SNX18: variants seen among roughly 807,000 people sequenced by gnomAD.
The protein encoded by SNX18 is sorting nexin 18.
SNX18 carries 35 observed loss-of-function variants against 48.7 expected under a neutral mutation model. That is an observed-to-expected ratio of 0.72 (90% CI 0.55 to 0.95). SNX18 has a LOEUF of 0.95. SNX18 is among the 40% of genes least tolerant of loss of function. SNX18 has a pLI of 0.00. For synonymous variants in SNX18, 492 were observed against 384.7 expected (o/e 1.28, Z -3.26); for missense variants, 824 against 871.0 (o/e 0.95, Z 0.68).
At chr5:54,626,527 G>A in the SNX18 span, among the ~76,000 whole-genome samples, 1 of 152,184 alleles carries the variant, frequency 6.6e-6, no homozygotes, top group Non-Finnish European at 1.5e-5. Flanking sequence ...TCTCTGCTTT[G>A]CTTCTGATGC....
chr5:54,532,908 G>T (rs552861371), intron 1 of SNX18, among the ~76,000 whole-genome samples: 2 of 152,126 alleles, frequency 1.3e-5, no homozygotes, highest in Admixed American at 6.5e-5. Context: ...GTATTTATAC[G>T]CAAGTGAATA....
At chr5:54,523,163 AT>A (rs959406696) in intron 1 of SNX18, among the ~76,000 whole-genome samples, 7 of 149,916 alleles carry the variant, frequency 4.7e-5, no homozygotes, top group Admixed American at 1.3e-4. Flanking sequence ...TGTGGTCTTG[AT>A]TTTTTTTTTC....
chr5:54,593,521 T>A, the SNX18 span, among the ~76,000 whole-genome samples: 19 of 152,354 alleles, frequency 1.2e-4, no homozygotes, highest in Non-Finnish European at 2.4e-4. Flanking sequence ...CTCAGCAGTA[T>A]TTTTTGTAGA....
At chr5:54,609,633 C>T in the SNX18 span, among the ~76,000 whole-genome samples, 1 of 152,054 alleles carries the variant, frequency 6.6e-6, no homozygotes, top group Non-Finnish European at 1.5e-5. Flanking sequence ...ATTTGTCCCA[C>T]CCTGCAAAAG....
At chr5:54,525,289 C>A (rs139944363) in intron 1 of SNX18, among the ~76,000 whole-genome samples, 137 of 151,932 alleles carry the variant, frequency 9.0e-4, no homozygotes, top group African/African-American at 3.1e-3. Context: ...GGCTTTAATA[C>A]CAGCTACTTG....
At chr5:54,532,307 C>CTTTTTTT (rs35717409) in intron 1 of SNX18, among the ~76,000 whole-genome samples, 2 of 137,068 alleles carry the variant, frequency 1.5e-5, no homozygotes, top group Non-Finnish European at 1.5e-5. Context: ...TCTATTGTTG[C>CTTTTTTT]TTTTTTTTTT....
intron 1 of SNX18, among the ~76,000 whole-genome samples, chr5:54,527,842 T>TTGAAATAGA (rs1762164837): frequency 6.6e-6 from 1 of 152,240 alleles, no homozygotes; most frequent in Non-Finnish European, 1.5e-5. Flanking sequence ...TTGGTTGATC[T>TTGAAATAGA]TGAAATAGAT....
At chr5:54,588,529 A>T in the SNX18 span, among the ~76,000 whole-genome samples, 1 of 151,898 alleles carries the variant, frequency 6.6e-6, no homozygotes. Context: ...GGGTTTCACC[A>T]TGTTAGCCAG....
chr5:54,586,677 A>T, the SNX18 span, among the ~76,000 whole-genome samples: 1 of 152,216 alleles, frequency 6.6e-6, no homozygotes, highest in Non-Finnish European at 1.5e-5. Flanking sequence ...TTATGGCCTA[A>T]TCACTTCTTA....
At chr5:54,563,695 G>A in the SNX18 span, among the ~76,000 whole-genome samples, 9 of 152,116 alleles carry the variant, frequency 5.9e-5, no homozygotes, top group Non-Finnish European at 1.2e-4. Flanking sequence ...AGGTAGTTGT[G>A]ACTCTGGCAG....
the SNX18 span, among the ~76,000 whole-genome samples, chr5:54,566,553 A>G: frequency 6.6e-6 from 1 of 152,224 alleles, no homozygotes; most frequent in African/African-American, 2.4e-5. Flanking sequence ...ACCTCATGAT[A>G]TAGTGACTTA....
chr5:54,620,446 C>T, the SNX18 span, among the ~76,000 whole-genome samples: 1 of 152,308 alleles, frequency 6.6e-6, no homozygotes, highest in East Asian at 1.9e-4. Flanking sequence ...GCTGAGGTCA[C>T]TGTCAACTTC....
At chr5:54,534,874 T>C (rs1762323737) in intron 1 of SNX18, among the ~76,000 whole-genome samples, 1 of 152,156 alleles carries the variant, frequency 6.6e-6, no homozygotes, top group Non-Finnish European at 1.5e-5. Flanking sequence ...ACTCGAGAGA[T>C]TCACTACTCT....
chr5:54,556,790 T>C, the SNX18 span, among the ~76,000 whole-genome samples: 2 of 152,220 alleles, frequency 1.3e-5, no homozygotes, highest in African/African-American at 4.8e-5. Context: ...AAACTTCAAC[T>C]GCCCTTGTAA....
At chr5:54,591,052 CTCTCCCT>C in the SNX18 span, among the ~76,000 whole-genome samples, 5 of 152,186 alleles carry the variant, frequency 3.3e-5, no homozygotes, top group Admixed American at 6.5e-5. Flanking sequence ...GTCCTCATCT[CTCTCCCT>C]GTCTCAGAAG....
At chr5:54,570,898 G>A in the SNX18 span, among the ~76,000 whole-genome samples, 1 of 152,154 alleles carries the variant, frequency 6.6e-6, no homozygotes, top group African/African-American at 2.4e-5. Flanking sequence ...AGTGATTATA[G>A]TACAAAAAGG....
chr5:54,569,089 C>T, the SNX18 span, among the ~76,000 whole-genome samples: 2 of 152,006 alleles, frequency 1.3e-5, no homozygotes, highest in Non-Finnish European at 2.9e-5. Context: ...GTGATCTACC[C>T]ACCTTAGCCT....
the SNX18 span, among the ~76,000 whole-genome samples, chr5:54,559,613 C>G: frequency 6.6e-6 from 1 of 152,246 alleles, no homozygotes; most frequent in East Asian, 1.9e-4. Flanking sequence ...TCTAAAAACC[C>G]TGGAAGACAA....
chr5:54,536,847 CA>C (rs1762366203), intron 1 of SNX18, among the ~76,000 whole-genome samples: 1 of 152,200 alleles, frequency 6.6e-6, no homozygotes. Context: ...GTCCTACCAA[CA>C]GTGTAAAAGT....
Sources: gnomAD v4.1 joint callset for allele counts (sites outside exome capture counted in the v4.1 genomes callset) on GRCh38, gnomAD v4.1.1 for gene constraint, MANE v1.5 for transcripts, NCBI Gene and HGNC (gene_info 2026-07-23, HGNC 2026-07-21) for gene names.